The following SRGAP3 variants were observed in gnomAD, a reference collection of about 807,000 sequenced individuals.
SRGAP3 encodes the protein SLIT-ROBO Rho GTPase activating protein 3.
SRGAP3 carries 39 observed loss-of-function variants against 121.1 expected under a neutral mutation model. That is an observed-to-expected ratio of 0.32 (90% CI 0.25 to 0.42). The LOEUF (loss-of-function observed/expected upper bound fraction) is 0.42. SRGAP3 is among the 10% of genes least tolerant of loss of function. SRGAP3 has a pLI of 1.00. For synonymous variants in SRGAP3, 601 were observed against 570.0 expected, an observed-to-expected ratio of 1.05 and a Z score of -0.77; for missense variants, 1,213 against 1,470.6, an observed-to-expected ratio of 0.82 and a Z score of 2.86.
chr3:9,283,425 A>C (rs1166773786), intron 3 of SRGAP3, among the ~76,000 whole-genome samples: 2 of 152,216 alleles, frequency 1.3e-5, no homozygotes, highest in African/African-American at 4.8e-5. Context: ...AATTATGCAG[A>C]TCTTCCAAAC....
rs568913100 is a variant in SRGAP3, at chr3:9,210,778, C to T, written c.67+38107G>A. The stretch of plus-strand genomic sequence containing the variant: ...ACAAGAGGTAGAGGTTGCAGTGAGC[C>T]GAGATGGAGCCACTGCACTCCAGCC... On this transcript the variant is annotated intron_variant, in intron 1 of 21. Transcript: ENST00000383836. 2.0e-5 allele frequency among the ~76,000 whole-genome samples: 3 copies of T among 150,774 alleles called. No homozygotes were observed. In the East Asian group the frequency reaches 6.0e-4, roughly 30 times the overall value.
intron 1 of SRGAP3, among the ~76,000 whole-genome samples, chr3:9,126,954 C>T (rs1949256393): frequency 6.6e-6 from 1 of 152,188 alleles, no homozygotes; most frequent in South Asian, 2.1e-4. Context: ...AAGTTATATT[C>T]TCTTCAAATA....
chr3:9,334,410 A>G lies in SRGAP3; in HGVS notation n.215-3814T>C, dbSNP rs1955656736. Reference sequence around the variant, plus strand: ...CACGAAAAATATAATACAATGTGATATGTGTTGTACTAGATATACAGAAAA... The same window carrying G: ...CACGAAAAATATAATACAATGTGATGTGTGTTGTACTAGATATACAGAAAA... On this transcript the variant is annotated intron_variant and non_coding_transcript_variant, in intron 1 of 3. Transcript: ENST00000490889. 3.3e-5 allele frequency among the ~76,000 whole-genome samples: 5 copies of G among 152,274 alleles called. No individual in the cohort carries two copies. In the South Asian group the frequency reaches 1.0e-3, roughly 32 times the overall value.
At chr3:8,995,306 CA>C (rs869181521) in intron 18 of SRGAP3, among the ~76,000 whole-genome samples, 3 of 151,118 alleles carry the variant, frequency 2.0e-5, no homozygotes, top group East Asian at 1.9e-4. Context: ...ACCTCATTTC[CA>C]AAAAAAAATT....
At chr3:9,354,134 C>T (rs1429453842) in intron 1 of SRGAP3, among the ~76,000 whole-genome samples, 7 of 151,300 alleles carry the variant, frequency 4.6e-5, no homozygotes, top group Admixed American at 1.3e-4. Flanking sequence ...AGGAAGGGGG[C>T]GACAGGATGG....
chr3:9,220,686 A>C (rs368637417), intron 1 of SRGAP3, among the ~76,000 whole-genome samples: 12 of 152,292 alleles, frequency 7.9e-5, no homozygotes, highest in African/African-American at 2.9e-4. Context: ...CTCAGGCACT[A>C]TCATTCTTTT....
At chr3:9,048,761 C>T (rs1461962387) in intron 9 of SRGAP3, among the ~76,000 whole-genome samples, 2 of 152,128 alleles carry the variant, frequency 1.3e-5, no homozygotes, top group Admixed American at 1.3e-4. Flanking sequence ...GAGGTTGAGG[C>T]TGTAGTGAGC....
intron 1 of SRGAP3, among the ~76,000 whole-genome samples, chr3:9,351,917 G>A (rs1159230950): frequency 6.6e-6 from 1 of 152,186 alleles, no homozygotes; most frequent in East Asian, 1.9e-4. Context: ...CTTAGAGAAT[G>A]CTGCAAAACC....
chr3:9,328,992 C>A (rs1222734174), intron 2 of SRGAP3, among the ~76,000 whole-genome samples: 1 of 72,214 alleles, frequency 1.4e-5, no homozygotes. Flanking sequence ...AAGATGGAGA[C>A]CCCATCCAGT....
intron 1 of SRGAP3, among the ~76,000 whole-genome samples, chr3:9,141,696 AG>A (rs1949859374): frequency 6.6e-6 from 1 of 152,002 alleles, no homozygotes; most frequent in Non-Finnish European, 1.5e-5. Flanking sequence ...ATTTTCCAGG[AG>A]GTCAGCCAGC....
rs149222493 is a variant in SRGAP3 at position 8,985,764 on chromosome 3, G to A, written c.3055C>T (p.Arg1019Cys). Residue 1019 changes from arginine (R) to cysteine (C), a missense_variant, in exon 22 of 22, where the codon CGC (arginine) becomes TGC (cysteine). This residue lies in a region of SRGAP3 where 420 missense variants were observed against 437.7 expected (regional missense o/e 0.96). Transcript: ENST00000383836. This position sits in a 1 kb window ranked among gnomAD's most constrained non-coding sequence, Gnocchi z 5.1. ...PASPLHTIVI[R>C]DPDAAMRRSS... is the part of the protein sequence containing the mutation. ...CGGCGCATGGCGGCATCGGGGTCGC[G>A]GATGACGATGGTGTGAAGGGGACTG... is the stretch of plus-strand genomic sequence containing the variant. The A allele has an allele frequency of 1.3e-6, 2 of 1,599,754 alleles. No homozygotes were observed. Among genetic ancestry groups the A allele is most frequent in the South Asian group, 2.2e-5 (2 of 91,052 alleles).
rs144334398 is a variant in SRGAP3 at position 9,001,298 on chromosome 3, G to A, written c.2228-6775C>T. 2.5e-3 allele frequency among the ~76,000 whole-genome samples: 374 copies of A among 152,182 alleles called. 3 individuals carry two copies. The highest frequency in any genetic ancestry group is 8.6e-3 in the African/African-American group (356 of 41,518). ...AACATGATGAATATACTGCTTACCC[G>A]GATCTAATCATTACACAACGTATGC... On this transcript the variant is annotated intron_variant, in intron 18 of 21. Transcript: ENST00000383836.
intron 1 of SRGAP3, among the ~76,000 whole-genome samples, chr3:9,198,186 C>T (rs1326471718): frequency 6.6e-6 from 1 of 152,230 alleles, no homozygotes; most frequent in African/African-American, 2.4e-5. Context: ...TCTGTCATTA[C>T]ATCTGATTTA....
At chr3:9,277,264 T>C (rs927931648) in intron 3 of SRGAP3, among the ~76,000 whole-genome samples, 2 of 152,084 alleles carry the variant, frequency 1.3e-5, no homozygotes, top group Non-Finnish European at 2.9e-5. Flanking sequence ...AGAGTTCAGA[T>C]AAAGCAAGTG....
chr3:9,262,074 G>T (rs561507402), intron 3 of SRGAP3, among the ~76,000 whole-genome samples: 3 of 152,106 alleles, frequency 2.0e-5, no homozygotes, highest in East Asian at 3.9e-4. Context: ...TTAAAGAAAA[G>T]AATTTTCAAC....
At chr3:9,214,143 T>TGCACACACACACACACACACAC (rs1491028607) in intron 1 of SRGAP3, among the ~76,000 whole-genome samples, 5 of 148,874 alleles carry the variant, frequency 3.4e-5, no homozygotes, top group Non-Finnish European at 6.0e-5. Flanking sequence ...CACACACACA[T>TGCACACACACACACACACACAC]GCACACACAC....
At chr3:9,144,137 C>T (rs1277604732) in intron 1 of SRGAP3, among the ~76,000 whole-genome samples, 1 of 152,184 alleles carries the variant, frequency 6.6e-6, no homozygotes, top group Non-Finnish European at 1.5e-5. Flanking sequence ...ATTCTCCTCC[C>T]TCTCTACCTC....
At chr3:9,261,090 G>A (rs1283707397) in intron 3 of SRGAP3, among the ~76,000 whole-genome samples, 1 of 152,168 alleles carries the variant, frequency 6.6e-6, no homozygotes, top group Non-Finnish European at 1.5e-5. Context: ...GCAAACTCCA[G>A]CAGACCTGCA....
At chr3:9,257,830 G>C (rs906065887) in intron 3 of SRGAP3, among the ~76,000 whole-genome samples, 2 of 147,416 alleles carry the variant, frequency 1.4e-5, no homozygotes, top group Non-Finnish European at 3.0e-5. Context: ...TCAGCCTCCT[G>C]AGTAGCTGGG....
Sources: gnomAD v4.1 joint callset for allele counts (sites outside exome capture counted in the v4.1 genomes callset) on GRCh38, gnomAD v4.1.1 for gene constraint, gnomAD v4.1.1 regional missense constraint, Gnocchi (gnomAD v3.1) non-coding constraint, MANE v1.5 for transcripts, NCBI Gene and HGNC (gene_info 2026-07-23, HGNC 2026-07-21) for gene names.